DLG2: variants seen among roughly 807,000 people sequenced by gnomAD.
DLG2 encodes disks large homolog 2.
A neutral mutation model predicts 132.5 loss-of-function variants in DLG2; 45 were observed. The ratio of observed to expected loss-of-function variants is 0.34; its 90% CI spans 0.27 to 0.44. The LOEUF is 0.44. DLG2 is among the 20% of genes least tolerant of loss of function. The pLI, the probability that DLG2 is intolerant of heterozygous loss-of-function variation, is 1.00. For missense variants in DLG2, 1,045 were observed against 1,196.9 expected (o/e 0.87, Z 1.87); for synonymous variants, 424 against 419.6 (o/e 1.01, Z -0.13).
In DLG2 at chr11:83,791,262, G is replaced by T; in HGVS notation, c.1723-4470C>A. On this transcript the variant is annotated intron_variant, in intron 17 of 27. Coordinates refer to ENST00000376104, the MANE Select transcript of DLG2 (RefSeq NM_001142699.3). ...CTATCGGTGCTGAGGAGGAGGAGAA[G>T]GTGTCCTCATCGGCAGAGCTCCCAG... The T allele has an allele frequency of 3.3e-5, 22 of 668,830 alleles. No homozygotes were observed. The South Asian group carries it at 3.8e-4, about 12-fold the overall frequency. The allele number at this position is 668,830 out of a possible 1,614,324, so 41.4% of individuals were successfully genotyped here.
intron 4 of DLG2, among the ~76,000 whole-genome samples, chr11:85,194,359 C>T (rs1283892227): frequency 6.6e-6 from 1 of 152,050 alleles, no homozygotes; most frequent in East Asian, 1.9e-4. Context: ...TCCCTTGGTA[C>T]TTTCCAGCAC....
chr11:83,738,761 C>G (rs753213582), intron 18 of DLG2, among the ~76,000 whole-genome samples: 6 of 152,194 alleles, frequency 3.9e-5, no homozygotes, highest in Non-Finnish European at 8.8e-5. Flanking sequence ...ACACACCTCT[C>G]ATATTCACCA....
chr11:84,332,366 C>T (rs982904741), intron 7 of DLG2, among the ~76,000 whole-genome samples: 1 of 151,938 alleles, frequency 6.6e-6, no homozygotes, highest in Non-Finnish European at 1.5e-5. Context: ...CGCCCGCCAC[C>T]ACGCCCGGCT....
intron 6 of DLG2, among the ~76,000 whole-genome samples, chr11:84,748,292 C>T (rs1482878671): frequency 2.0e-5 from 3 of 152,184 alleles, no homozygotes; most frequent in Non-Finnish European, 4.4e-5. Flanking sequence ...GAATAACAGA[C>T]ATTAATGAAC....
chr11:84,467,135 A>G (rs1258017764), intron 7 of DLG2, among the ~76,000 whole-genome samples: 2 of 151,336 alleles, frequency 1.3e-5, no homozygotes, highest in African/African-American at 4.8e-5. Flanking sequence ...CATCTTGTGA[A>G]ATGGCTGACT....
intron 6 of DLG2, among the ~76,000 whole-genome samples, chr11:84,704,591 T>A (rs2059586539): frequency 6.6e-6 from 1 of 151,520 alleles, no homozygotes. Context: ...GAGATAGCCC[T>A]GGCCCTCATG....
chr11:83,462,482 C>T (rs1480378529), intron 26 of DLG2, among the ~76,000 whole-genome samples: 2 of 152,204 alleles, frequency 1.3e-5, no homozygotes, highest in Non-Finnish European at 2.9e-5. Context: ...CATCTATCCC[C>T]TCATTGGATG....
chr11:84,459,943 A>G (rs1017713727), intron 7 of DLG2, among the ~76,000 whole-genome samples: 1 of 150,652 alleles, frequency 6.6e-6, no homozygotes, highest in Non-Finnish European at 1.5e-5. Flanking sequence ...TACTTTTTCC[A>G]ACTTCAATGG....
At chr11:85,505,030 T>C (rs1488581227) in intron 3 of DLG2, among the ~76,000 whole-genome samples, 1 of 151,892 alleles carries the variant, frequency 6.6e-6, no homozygotes, top group African/African-American at 2.4e-5. Context: ...TATTGGTGTA[T>C]TGGTGTACAG....
intron 6 of DLG2, among the ~76,000 whole-genome samples, chr11:84,934,467 C>T (rs558222600): frequency 1.0e-3 from 144 of 137,744 alleles, no homozygotes; most frequent in Non-Finnish European, 1.7e-3. Context: ...CTTTGTACAT[C>T]CTCTTTGTAC....
chr11:84,657,224 C>T (rs2099689322), intron 6 of DLG2, among the ~76,000 whole-genome samples: 1 of 152,020 alleles, frequency 6.6e-6, no homozygotes, highest in Non-Finnish European at 1.5e-5. Flanking sequence ...ATCTAATGGC[C>T]AAAAAGTTCA....
At chr11:83,634,112 G>A (rs1156694602) in intron 18 of DLG2, among the ~76,000 whole-genome samples, 1 of 152,068 alleles carries the variant, frequency 6.6e-6, no homozygotes, top group Non-Finnish European at 1.5e-5. Flanking sequence ...ACTAAATTTT[G>A]TTAGGGGGTG....
intron 6 of DLG2, among the ~76,000 whole-genome samples, chr11:84,886,552 C>G (rs1000412741): frequency 3.9e-5 from 6 of 152,082 alleles, no homozygotes; most frequent in African/African-American, 1.4e-4. Context: ...ACCACAGCCA[C>G]AACTCATGAG....
At chr11:84,525,296 A>G (rs978296143) in intron 7 of DLG2, among the ~76,000 whole-genome samples, 59 of 152,320 alleles carry the variant, frequency 3.9e-4, no homozygotes, top group African/African-American at 1.4e-3. Flanking sequence ...TTACTCCAAC[A>G]TAAACTCAGA....
Position 84,519,412 on chromosome 11 carries a change from A to C in DLG2, c.519+15158T>G, listed in dbSNP as rs117193826. Among the ~76,000 whole-genome samples the C allele has an allele frequency of 1.0e-3, 154 of 152,316 alleles. 4 individuals carry two copies. The East Asian group carries it at 0.028, about 27-fold the overall frequency. Reference sequence around the variant, plus strand: ...ACAGCCTTATGACAGTTAAAACCCAAATTCAAAGAGACAAGATATTATTGC... The same window carrying C: ...ACAGCCTTATGACAGTTAAAACCCACATTCAAAGAGACAAGATATTATTGC... On this transcript the variant is annotated intron_variant, in intron 7 of 27. Coordinates refer to ENST00000376104, the MANE Select transcript of DLG2 (RefSeq NM_001142699.3).
intron 6 of DLG2, among the ~76,000 whole-genome samples, chr11:85,041,090 T>C (rs967377231): frequency 8.6e-5 from 13 of 151,922 alleles, no homozygotes; most frequent in African/African-American, 2.9e-4. Context: ...TCTGGATCCC[T>C]AATTTCATTT....
intron 4 of DLG2, among the ~76,000 whole-genome samples, chr11:85,283,449 A>G (rs758078896): frequency 6.6e-6 from 1 of 150,734 alleles, no homozygotes. Flanking sequence ...GTTAAAAAGT[A>G]CTATAAGCAA....
chr11:83,649,476 A>G (rs2153512980), intron 18 of DLG2, among the ~76,000 whole-genome samples: 1 of 152,306 alleles, frequency 6.6e-6, no homozygotes, highest in East Asian at 1.9e-4. Flanking sequence ...AATTCTTTCT[A>G]TGCACAGAAT....
intron 6 of DLG2, among the ~76,000 whole-genome samples, chr11:84,624,825 TTCTGAGAGTTACC>T (rs1019990142): frequency 2.1e-5 from 3 of 146,256 alleles, no homozygotes; most frequent in African/African-American, 7.7e-5. Flanking sequence ...GTTGACTCTC[TTCTGAGAGTTACC>T]TCTCAGAAGA....
Sources: gnomAD v4.1 joint callset for allele counts (sites outside exome capture counted in the v4.1 genomes callset) on GRCh38, gnomAD v4.1.1 for gene constraint, MANE v1.5 for transcripts, NCBI Gene and HGNC (gene_info 2026-07-23, HGNC 2026-07-21) for gene names.